Variants in RBFOX1 observed in about 807,000 individuals in gnomAD.
RBFOX1 encodes RNA binding protein fox-1 homolog 1.
A neutral mutation model predicts 57.7 loss-of-function variants in RBFOX1; 8 were observed. The observed-to-expected ratio is 0.14, with a 90% CI of 0.08 to 0.25. RBFOX1 has a LOEUF of 0.25. Ranked by LOEUF, RBFOX1 falls within the 10% of genes least tolerant of loss-of-function variation. The pLI is 1.00. For synonymous variants in RBFOX1, 326 were observed against 222.4 expected, an observed-to-expected ratio of 1.47 and a Z score of -4.15; for missense variants, 611 against 548.5, an observed-to-expected ratio of 1.11 and a Z score of -1.14.
At chr16:6,709,276 A>C (rs1355411629) in intron 3 of RBFOX1, among the ~76,000 whole-genome samples, 3 of 152,176 alleles carry the variant, frequency 2.0e-5, no homozygotes, top group African/African-American at 7.2e-5. Context: ...TTAAGCATCT[A>C]ACTGTGCAGA....
At chr16:5,753,544 TC>T (rs1408388773) in intron 3 of RBFOX1, among the ~76,000 whole-genome samples, 1 of 152,084 alleles carries the variant, frequency 6.6e-6, no homozygotes, top group Non-Finnish European at 1.5e-5. Flanking sequence ...GGACCTCTCC[TC>T]CAGTGGTGTG....
At chr16:6,874,786 G>C (rs560699081) in intron 3 of RBFOX1, among the ~76,000 whole-genome samples, 1 of 152,226 alleles carries the variant, frequency 6.6e-6, no homozygotes, top group Admixed American at 6.5e-5. Context: ...GGAAGGGTGG[G>C]AGGTGGGTGA....
At chr16:7,291,804 A>G (rs2095781717) in intron 4 of RBFOX1, among the ~76,000 whole-genome samples, 1 of 151,300 alleles carries the variant, frequency 6.6e-6, no homozygotes, top group Admixed American at 6.6e-5. Flanking sequence ...AGTCTGATGC[A>G]ATGGCTTTCA....
intron 3 of RBFOX1, among the ~76,000 whole-genome samples, chr16:5,759,853 C>A (rs1398375371): frequency 2.0e-5 from 3 of 151,994 alleles, no homozygotes; most frequent in Admixed American, 6.6e-5. Context: ...GCCTTTGATA[C>A]TTCTTGGACA....
intron 4 of RBFOX1, among the ~76,000 whole-genome samples, chr16:7,097,828 A>T (rs2061963250): frequency 1.3e-5 from 2 of 152,190 alleles, no homozygotes. Flanking sequence ...AGTATATGGA[A>T]ATTTTGAGGT....
chr16:7,585,213 G>A (rs971833312), intron 6 of RBFOX1, among the ~76,000 whole-genome samples: 1 of 152,130 alleles, frequency 6.6e-6, no homozygotes, highest in Non-Finnish European at 1.5e-5. Flanking sequence ...TCACAAAACT[G>A]GAGGTTTCTT....
intron 1 of RBFOX1, among the ~76,000 whole-genome samples, chr16:6,094,096 C>G (rs2096213710): frequency 6.6e-6 from 1 of 152,118 alleles, no homozygotes; most frequent in South Asian, 2.1e-4. Flanking sequence ...GAAAAGACCC[C>G]AAATGTGCAT....
At chr16:5,942,585 C>G (rs750480123) in intron 4 of RBFOX1, among the ~76,000 whole-genome samples, 1 of 152,124 alleles carries the variant, frequency 6.6e-6, no homozygotes, top group East Asian at 1.9e-4. Flanking sequence ...GATTCAAGTC[C>G]CTTTCATGAT....
At chr16:5,769,723 G>C (rs550472072) in intron 3 of RBFOX1, among the ~76,000 whole-genome samples, 1 of 152,248 alleles carries the variant, frequency 6.6e-6, no homozygotes, top group South Asian at 2.1e-4. Flanking sequence ...GGGAGAAGAG[G>C]AGTCATCTAC....
chr16:7,604,740 A>T (rs1364364078), intron 9 of RBFOX1, among the ~76,000 whole-genome samples: 1 of 152,194 alleles, frequency 6.6e-6, no homozygotes, highest in African/African-American at 2.4e-5. Flanking sequence ...AAAATGAGAG[A>T]TCATTGGCAA....
At chr16:6,526,798 C>G (rs992782468) in intron 2 of RBFOX1, among the ~76,000 whole-genome samples, 5 of 134,504 alleles carry the variant, frequency 3.7e-5, no homozygotes, top group Non-Finnish European at 7.6e-5. Context: ...CTACCACACT[C>G]CACCCTTGGC....
chr16:6,896,309 T>C (rs1034733675), intron 3 of RBFOX1, among the ~76,000 whole-genome samples: 1 of 152,228 alleles, frequency 6.6e-6, no homozygotes, highest in Non-Finnish European at 1.5e-5. Flanking sequence ...ACAATCCAAG[T>C]ACACTCTTTT....
chr16:7,011,845 T>A (rs1449441716), intron 3 of RBFOX1, among the ~76,000 whole-genome samples: 1 of 152,160 alleles, frequency 6.6e-6, no homozygotes, highest in Non-Finnish European at 1.5e-5. Context: ...ATATCAGTCA[T>A]GAGAAATGGG....
At chr16:5,246,701 C>T (rs2062309334) in intron 1 of RBFOX1, among the ~76,000 whole-genome samples, 1 of 149,798 alleles carries the variant, frequency 6.7e-6, no homozygotes, top group Admixed American at 6.7e-5. Flanking sequence ...GAGACAATCT[C>T]ATTCTATTGC....
chr16:6,592,349 C>T (rs1600844543), intron 2 of RBFOX1, among the ~76,000 whole-genome samples: 1 of 152,200 alleles, frequency 6.6e-6, no homozygotes, highest in African/African-American at 2.4e-5. Flanking sequence ...TTTCTCTTAG[C>T]TATCCACAAA....
intron 1 of RBFOX1, among the ~76,000 whole-genome samples, chr16:6,155,754 G>A (rs1567577040): frequency 2.6e-5 from 4 of 152,268 alleles, no homozygotes; most frequent in South Asian, 2.1e-4. Context: ...GGCTAACAGC[G>A]GCGGCTTCCA....
intron 3 of RBFOX1, among the ~76,000 whole-genome samples, chr16:6,926,406 C>T (rs962226035): frequency 2.0e-5 from 3 of 152,200 alleles, no homozygotes; most frequent in Admixed American, 2.0e-4. Context: ...CTGGGATCCT[C>T]ACCACACAGC....
At chr16:7,671,737 T>C in intron 13 of RBFOX1, 1 of 770,548 alleles carries the variant, frequency 1.3e-6, no homozygotes, top group Non-Finnish European at 2.2e-6. Context: ...TTTCCAGTTT[T>C]AATATGAAAT....
intron 3 of RBFOX1, among the ~76,000 whole-genome samples, chr16:6,850,160 C>T (rs558694698): frequency 2.0e-5 from 3 of 152,222 alleles, no homozygotes; most frequent in African/African-American, 7.2e-5. Context: ...GTTCCTTTCC[C>T]TTTATCATTT....
Sources: gnomAD v4.1 joint callset for allele counts (sites outside exome capture counted in the v4.1 genomes callset) on GRCh38, gnomAD v4.1.1 for gene constraint, MANE v1.5 for transcripts, NCBI Gene and HGNC (gene_info 2026-07-23, HGNC 2026-07-21) for gene names.